PKD1L1: variants seen among roughly 807,000 people sequenced by gnomAD.
PKD1L1 encodes polycystin-1-like protein 1.
PKD1L1 carries 236 observed loss-of-function variants against 323.4 expected under a neutral mutation model. That is an observed-to-expected ratio of 0.73 (90% CI 0.66 to 0.81). PKD1L1 has a LOEUF of 0.81. PKD1L1 is among the 40% of genes least tolerant of loss of function. The pLI is 0.00. For synonymous variants in PKD1L1, 1,344 were observed against 1,335.0 expected, an observed-to-expected ratio of 1.01 and a Z score of -0.15; for missense variants, 3,320 against 3,508.0, an observed-to-expected ratio of 0.95 and a Z score of 1.35.
chr7:47,951,209 G>C (rs143461071), upstream of PKD1L1, among the ~76,000 whole-genome samples: 120 of 152,254 alleles, frequency 7.9e-4, no homozygotes, highest in African/African-American at 2.8e-3. Context: ...GACTCGATCA[G>C]GATTTTGACT....
intron 45 of PKD1L1, 60 bp downstream of exon 45, chr7:47,827,290 A>T: frequency 2.2e-6 from 3 of 1,356,242 alleles, no homozygotes; most frequent in Non-Finnish European, 3.0e-6. Flanking sequence ...GCAGTGGGGT[A>T]CTCCCTCCGA....
chr7:47,917,009 G>A (rs1787443034), intron 7 of PKD1L1, among the ~76,000 whole-genome samples: 1 of 152,150 alleles, frequency 6.6e-6, no homozygotes, highest in Non-Finnish European at 1.5e-5. Context: ...AGAATAGGAG[G>A]TTAGTTATTA....
Position 47,929,239 on chromosome 7 carries a change from GC to G in PKD1L1, c.1024del (p.Ala342GlnfsTer4). The G allele has an allele frequency of 6.2e-7, 1 of 1,614,138 alleles. No individual in the cohort carries two copies. The highest frequency in any genetic ancestry group is 8.5e-7 in the Non-Finnish European group (1 of 1,180,022). On this transcript the variant is annotated frameshift_variant, in exon 7 of 57. Coordinates refer to ENST00000289672, the MANE Select transcript of PKD1L1 (RefSeq NM_138295.5). LOFTEE classifies it high-confidence loss of function. ...VEMRLHNMSE[A>X]MAVTAYHQYS... ...CTGGTGGTAGGCAGTCACCGCCATT[GC>G]CTCAGACATGTTGTGTAGCCTCATT...
intron 56 of PKD1L1, among the ~76,000 whole-genome samples, chr7:47,782,510 G>A (rs541504381): frequency 6.6e-6 from 1 of 152,232 alleles, no homozygotes; most frequent in Non-Finnish European, 1.5e-5. Flanking sequence ...ACTAGCAAGA[G>A]AAGCCAGGAA....
rs747193187 is a variant in PKD1L1 at position 47,836,993 on chromosome 7, G to T, written c.5871C>A (p.Leu1957=). The T allele has an allele frequency of 6.2e-7, 1 of 1,614,232 alleles. No individual in the cohort carries two copies. Residue 1957 remains leucine, a synonymous_variant, in exon 37 of 57, where the codon CTC becomes CTA. Coordinates refer to ENST00000289672, the MANE Select transcript of PKD1L1 (RefSeq NM_138295.5). The part of the protein sequence containing the change: ...SSSRYLHTPR[L]TVSFSLLCVY... ...CGCACAGCAGGGAGAAGGACACGGTGAGGCGCGGCGTGTGCAGGTAGCGGC... is the reference window on the plus strand; with the variant it reads ...CGCACAGCAGGGAGAAGGACACGGTTAGGCGCGGCGTGTGCAGGTAGCGGC...
rs1788103425 is a variant in PKD1L1, at chr7:47,946,656, C to T, written c.44+1741G>A. Among the ~76,000 whole-genome samples the T allele has an allele frequency of 6.6e-6, 1 of 151,898 alleles. No homozygotes were observed. Among genetic ancestry groups the T allele is most frequent in the Admixed American group, 6.6e-5 (1 of 15,258 alleles). Reference sequence around the variant, plus strand: ...GACCACACACCACACCACCCACACACATGTCCTATACCACACACACACACA... The same window carrying T: ...GACCACACACCACACCACCCACACATATGTCCTATACCACACACACACACA... On this transcript the variant is annotated intron_variant, in intron 1 of 56. Coordinates refer to ENST00000289672, the MANE Select transcript of PKD1L1 (RefSeq NM_138295.5). The surrounding 1 kb of genome is among the most constrained non-coding windows in gnomAD (Gnocchi z 4.1).
At chr7:47,788,265 T>G (rs2128722673) in intron 56 of PKD1L1, among the ~76,000 whole-genome samples, 1 of 151,296 alleles carries the variant, frequency 6.6e-6, no homozygotes, top group East Asian at 1.9e-4. Context: ...AATATATTCT[T>G]TTTTTATTTA....
rs761634664 is a variant in PKD1L1, at chr7:47,908,207, A to C, written c.1272T>G (p.His424Gln). 1.9e-6 allele frequency: 3 copies of C among 1,614,130 alleles called. No homozygotes were observed. The highest frequency in any genetic ancestry group is 1.6e-4 in the Middle Eastern group (1 of 6,084). ...MLKAVIYNEF[H>Q]GTEVELGPYY... Reference sequence around the variant, plus strand: ...AAGGCCCAAGCTCCACTTCGGTTCCATGAAACTCGTTATAAATAACAGCCT... The same window carrying C: ...AAGGCCCAAGCTCCACTTCGGTTCCCTGAAACTCGTTATAAATAACAGCCT... Residue 424 changes from histidine (H) to glutamine (Q), a missense_variant, in exon 9 of 57, where the codon CAT (histidine) becomes CAG (glutamine). Coordinates refer to ENST00000289672, the MANE Select transcript of PKD1L1 (RefSeq NM_138295.5).
intron 13 of PKD1L1, among the ~76,000 whole-genome samples, chr7:47,901,104 C>T (rs1787077013): frequency 6.6e-6 from 1 of 151,848 alleles, no homozygotes; most frequent in Admixed American, 6.6e-5. Flanking sequence ...CTCTGGGAGG[C>T]CAAGGCAGGT....
chr7:47,949,024 C>T (rs564303311), upstream of PKD1L1, among the ~76,000 whole-genome samples: 38 of 152,220 alleles, frequency 2.5e-4, no homozygotes, highest in Middle Eastern at 0.02. Flanking sequence ...AAACAGATCA[C>T]TACTCAAGGG....
intron 40 of PKD1L1, among the ~76,000 whole-genome samples, chr7:47,833,519 G>A (rs981804284): frequency 3.9e-5 from 6 of 152,156 alleles, no homozygotes; most frequent in Non-Finnish European, 7.4e-5. Flanking sequence ...GATTGCACCT[G>A]GTTCTCTGGG....
chr7:47,839,546 C>T lies in PKD1L1; in HGVS notation c.5669G>A (p.Gly1890Asp), dbSNP rs774177932. 1.3e-5 allele frequency: 21 copies of T among 1,609,878 alleles called. No individual in the cohort carries two copies. Among genetic ancestry groups the T allele is most frequent in the East Asian group, 8.9e-5 (4 of 44,804 alleles). The change falls in exon 36 of 57, where the codon GGC becomes GAC. Residue 1890 changes from glycine to aspartate, a missense_variant. By Grantham distance (94) the Gly-to-Asp change is moderately conservative. Coordinates refer to ENST00000289672, the MANE Select transcript of PKD1L1 (RefSeq NM_138295.5). The surrounding 1 kb of genome is among the most constrained non-coding windows in gnomAD (Gnocchi z 4.3). ...CCAGCACTGGGCAGGGAAGAACCAG[C>T]CCTGTCCCGTGTGCAGCTCCTTCAC... ...VMVKELHTGQ[G>D]WFFPAQCWLS...
the PKD1L1 span, among the ~76,000 whole-genome samples, chr7:47,959,787 A>G: frequency 6.8e-6 from 1 of 147,736 alleles, no homozygotes; most frequent in Admixed American, 6.7e-5. Context: ...CCCGTCCGGG[A>G]GGTGAGGGGC....
intron 55 of PKD1L1, chr7:47,795,339 G>C (rs933600077): frequency 2.2e-6 from 1 of 455,198 alleles, no homozygotes. Flanking sequence ...ATTTATAATG[G>C]GTTTCCACTT....
chr7:47,844,301 ATAAAG>A lies in PKD1L1; in HGVS notation c.5237+689_5237+693del, dbSNP rs112102474. ...ATAAAGTAATACGATTGATGAAATA[ATAAAG>A]TAAGGTAGAGTTTCTTACTATATGA... On this transcript the variant is annotated intron_variant, in intron 33 of 56. Transcript: ENST00000289672. Among the ~76,000 whole-genome samples the A allele has an allele frequency of 4.3e-4, 65 of 152,382 alleles. 1 individual carries two copies. The highest frequency in any genetic ancestry group is 1.5e-3 in the African/African-American group (64 of 41,592).
chr7:47,835,592 G>C (rs944310943), intron 37 of PKD1L1, among the ~76,000 whole-genome samples: 1 of 152,026 alleles, frequency 6.6e-6, no homozygotes, highest in Non-Finnish European at 1.5e-5. Flanking sequence ...GTAGAAACAT[G>C]GTTTCACCAT....
intron 6 of PKD1L1, among the ~76,000 whole-genome samples, chr7:47,930,832 C>A (rs1277529914): frequency 6.6e-6 from 1 of 152,014 alleles, no homozygotes; most frequent in Admixed American, 6.6e-5. Context: ...AACAAACAAA[C>A]AACAACAACA....
At chr7:47,831,175 C>T (rs1244750069) in intron 42 of PKD1L1, 42 bp downstream of exon 42, 1 of 1,581,736 alleles carries the variant, frequency 6.3e-7, no homozygotes, top group South Asian at 1.1e-5. Context: ...CGAGACTTTC[C>T]ATCTGAGGAC....
rs748433526 is a variant in PKD1L1, at chr7:47,800,815, A to G, written c.8027T>C (p.Val2676Ala). 1.1e-5 allele frequency: 18 copies of G among 1,613,982 alleles called. No individual in the cohort carries two copies. In the South Asian group the frequency reaches 2.0e-4, roughly 18 times the overall value. ...HLHRFLLSMW[V>A]LPPGTFTDAF... ...GTCTGTGAAGGTGCCAGGTGGTAGAACCCACATAGAGAGCAGAAATCGGTG... is the reference window on the plus strand; with the variant it reads ...GTCTGTGAAGGTGCCAGGTGGTAGAGCCCACATAGAGAGCAGAAATCGGTG... The change falls in exon 54 of 57, where the codon GTT becomes GCT. Residue 2676 changes from valine to alanine, a missense_variant. Transcript: ENST00000289672.
Sources: allele counts gnomAD v4.1 joint callset (sites outside exome capture counted in the v4.1 genomes callset), GRCh38; gene constraint gnomAD v4.1.1; non-coding constraint Gnocchi (gnomAD v3.1); transcripts MANE v1.5; gene names NCBI Gene and HGNC (gene_info 2026-07-23, HGNC 2026-07-21).